CCSER1: variants seen among roughly 807,000 people sequenced by gnomAD.
CCSER1 encodes the protein coiled-coil serine rich protein 1.
Under a neutral mutation model 82.0 loss-of-function variants are expected in CCSER1, and 41 were observed. The ratio of observed to expected loss-of-function variants is 0.50; its 90% CI spans 0.39 to 0.65. The LOEUF (loss-of-function observed/expected upper bound fraction) is 0.65. Among genes scored for constraint, CCSER1 ranks in the 30% least tolerant of loss-of-function variants. The pLI is 0.00. For synonymous variants in CCSER1, 414 were observed against 383.9 expected (o/e 1.08, Z -0.92); for missense variants, 1,119 against 1,064.2 (o/e 1.05, Z -0.72).
At chr4:91,122,271 C>T (rs1472158907) in intron 10 of CCSER1, among the ~76,000 whole-genome samples, 1 of 151,718 alleles carries the variant, frequency 6.6e-6, no homozygotes. Flanking sequence ...TATCTATTAA[C>T]TTTGTAGACT....
intron 7 of CCSER1, among the ~76,000 whole-genome samples, chr4:90,785,719 G>T (rs1184992715): frequency 9.5e-6 from 1 of 104,756 alleles, no homozygotes; most frequent in South Asian, 2.9e-4. Flanking sequence ...GTTTTAATAA[G>T]TTGTCAATTT....
chr4:91,148,747 T>C (rs1729807485), intron 10 of CCSER1, among the ~76,000 whole-genome samples: 1 of 152,198 alleles, frequency 6.6e-6, no homozygotes, highest in Admixed American at 6.5e-5. Context: ...TGGTTTTCTA[T>C]TCTTACGATA....
At chr4:90,210,456 T>C (rs1212654474) in intron 1 of CCSER1, among the ~76,000 whole-genome samples, 2 of 151,458 alleles carry the variant, frequency 1.3e-5, no homozygotes, top group Non-Finnish European at 2.9e-5. Flanking sequence ...TTTTCTTTTT[T>C]TTTTTTGGAC....
At chr4:91,526,464 G>A (rs1289779138) in intron 10 of CCSER1, among the ~76,000 whole-genome samples, 6 of 152,272 alleles carry the variant, frequency 3.9e-5, no homozygotes, top group South Asian at 2.1e-4. Context: ...AGGACCTCCT[G>A]AGGGCTGTGT....
At chr4:90,360,374 A>AC (rs1428421058) in intron 3 of CCSER1, among the ~76,000 whole-genome samples, 3 of 149,818 alleles carry the variant, frequency 2.0e-5, no homozygotes, top group African/African-American at 7.3e-5. Flanking sequence ...TAAAAATAAA[A>AC]AAAAAATTAG....
chr4:90,446,487 A>G (rs1470092643), intron 4 of CCSER1, among the ~76,000 whole-genome samples: 1 of 152,180 alleles, frequency 6.6e-6, no homozygotes, highest in Non-Finnish European at 1.5e-5. Flanking sequence ...TTAATAATTA[A>G]TTTGATACTT....
chr4:90,946,466 A>G (rs980415284), intron 9 of CCSER1, among the ~76,000 whole-genome samples: 2 of 152,102 alleles, frequency 1.3e-5, no homozygotes, highest in African/African-American at 4.8e-5. Flanking sequence ...ACTTGTCTCT[A>G]CTAAAAATAC....
chr4:90,720,656 G>A (rs763258195), intron 6 of CCSER1, among the ~76,000 whole-genome samples: 2 of 151,966 alleles, frequency 1.3e-5, no homozygotes, highest in Non-Finnish European at 2.9e-5. Context: ...CTTGGAAATT[G>A]TATATACAGA....
At chr4:90,848,652 C>T (rs1169723792) in intron 8 of CCSER1, among the ~76,000 whole-genome samples, 7 of 152,128 alleles carry the variant, frequency 4.6e-5, no homozygotes, top group Admixed American at 2.0e-4. Context: ...TGGTCATGTG[C>T]ATTACCTTTC....
rs544714983 is a variant in CCSER1, at chr4:90,671,745, C to A, written c.1932+43513C>A. ...TCCAGAAGGTTTTTAATTTATTTTG[C>A]CTAGATTCATCAGAGGAATCACTAT... is the stretch of plus-strand genomic sequence containing the variant. On this transcript the variant is annotated intron_variant, in intron 6 of 10. Transcript: ENST00000509176. Among the ~76,000 whole-genome samples, 22 of 152,080 alleles carry A rather than the reference C, an allele frequency of 1.4e-4. 1 individual carries two copies. In the South Asian group the frequency reaches 3.9e-3, roughly 27 times the overall value.
intron 6 of CCSER1, among the ~76,000 whole-genome samples, chr4:90,637,390 A>G (rs556725836): frequency 1.1e-4 from 17 of 152,284 alleles, no homozygotes; most frequent in African/African-American, 4.1e-4. Context: ...CTCAGAAGTA[A>G]TATACCATCA....
rs1456826444 is a variant in CCSER1 at position 91,212,601 on chromosome 4, C to T, written c.2217+126607C>T. 2.6e-5 allele frequency among the ~76,000 whole-genome samples: 4 copies of T among 152,052 alleles called. No homozygotes were observed. In the South Asian group the frequency reaches 6.2e-4, roughly 24 times the overall value. ...TAGAATTAAATGGAAAGAAGCATTCCAGTTCTAACTTCTAATATTTAATTT... is the reference window on the plus strand; with the variant it reads ...TAGAATTAAATGGAAAGAAGCATTCTAGTTCTAACTTCTAATATTTAATTT... On this transcript the variant is annotated intron_variant, in intron 10 of 10. Transcript: ENST00000509176.
Position 91,210,437 on chromosome 4 carries a change from AAG to A in CCSER1, c.2217+124446_2217+124447del, listed in dbSNP as rs958361231. Among the ~76,000 whole-genome samples the A allele has an allele frequency of 1.3e-4, 20 of 151,738 alleles. No individual in the cohort carries two copies. In the East Asian group the frequency reaches 2.1e-3, roughly 16 times the overall value. On this transcript the variant is annotated intron_variant, in intron 10 of 10. Coordinates refer to ENST00000509176, the MANE Select transcript of CCSER1 (RefSeq NM_001145065.2). ...TTATTAATTGGACAATTAATAAAAAAAGAGTTACAGTACTATGAAGAAGTTAA... is the reference window on the plus strand; with the variant it reads ...TTATTAATTGGACAATTAATAAAAAAAGTTACAGTACTATGAAGAAGTTAA...
intron 10 of CCSER1, among the ~76,000 whole-genome samples, chr4:91,278,016 A>G (rs183977970): frequency 6.6e-6 from 1 of 152,074 alleles, no homozygotes; most frequent in Non-Finnish European, 1.5e-5. Flanking sequence ...ATTGATTTCT[A>G]GTTTTATTCT....
intron 10 of CCSER1, among the ~76,000 whole-genome samples, chr4:91,111,508 A>G (rs1364223880): frequency 6.6e-6 from 1 of 152,068 alleles, no homozygotes; most frequent in Non-Finnish European, 1.5e-5. Context: ...AATATTAGTC[A>G]TTGGACAATA....
rs4144816 is a variant in CCSER1 at position 90,874,472 on chromosome 4, A to T, written c.2095-48898A>T. ...ATCTCACCATGGGGTTTCTATTTTGATGCTATCTTGTGGATGGGACATTTG... is the reference window on the plus strand; with the variant it reads ...ATCTCACCATGGGGTTTCTATTTTGTTGCTATCTTGTGGATGGGACATTTG... On this transcript the variant is annotated intron_variant, in intron 8 of 10. Transcript: ENST00000509176. Among the ~76,000 whole-genome samples, 3 of 151,698 alleles carry T rather than the reference A, an allele frequency of 2.0e-5. No individual in the cohort carries two copies. The East Asian group carries it at 5.8e-4, about 29-fold the overall frequency.
chr4:90,250,671 T>C (rs550123469), intron 1 of CCSER1, among the ~76,000 whole-genome samples: 1 of 152,200 alleles, frequency 6.6e-6, no homozygotes, highest in African/African-American at 2.4e-5. Context: ...GTTCCCTTTT[T>C]CAAAATTGTT....
chr4:91,222,739 T>A (rs1422350295), intron 10 of CCSER1, among the ~76,000 whole-genome samples: 1 of 152,174 alleles, frequency 6.6e-6, no homozygotes. Context: ...GAAATATTCA[T>A]TCTGTGCTGT....
chr4:91,140,169 T>C (rs1581631089), intron 10 of CCSER1, among the ~76,000 whole-genome samples: 3 of 151,992 alleles, frequency 2.0e-5, no homozygotes, highest in Non-Finnish European at 4.4e-5. Context: ...TCTTAATATA[T>C]ATTAGAAAAA....
Sources: gnomAD v4.1 joint callset for allele counts (sites outside exome capture counted in the v4.1 genomes callset) on GRCh38, gnomAD v4.1.1 for gene constraint, MANE v1.5 for transcripts, NCBI Gene and HGNC (gene_info 2026-07-23, HGNC 2026-07-21) for gene names.